Variants in SCARA3 observed in about 807,000 individuals in gnomAD.
SCARA3 encodes the protein scavenger receptor class A member 3.
A neutral mutation model predicts 47.0 loss-of-function variants in SCARA3; 39 were observed. The ratio of observed to expected loss-of-function variants is 0.83; its 90% CI spans 0.64 to 1.08. SCARA3 has a LOEUF of 1.08. Ranked by LOEUF, SCARA3 falls within the 50% of genes least tolerant of loss-of-function variation. The probability of loss-of-function intolerance (pLI) is 0.00; values close to 1 mark genes in which losing one functional copy is unlikely to be tolerated. For synonymous variants in SCARA3, 356 were observed against 334.1 expected, an observed-to-expected ratio of 1.07 and a Z score of -0.71; for missense variants, 724 against 792.3, an observed-to-expected ratio of 0.91 and a Z score of 1.04.
intron 1 of SCARA3, among the ~76,000 whole-genome samples, chr8:27,644,856 A>G (rs1164442071): frequency 6.6e-6 from 1 of 152,188 alleles, no homozygotes; most frequent in Non-Finnish European, 1.5e-5. Flanking sequence ...GCCTTACTTT[A>G]GAGAGCTATA....
In SCARA3 at chr8:27,671,196, G is replaced by A; in HGVS notation, c.1666G>A (p.Gly556Arg). The change falls in exon 6 of 6, where the codon GGG (glycine) becomes AGG (arginine). Residue 556 changes from glycine (G) to arginine (R), a missense_variant. By Grantham distance (125) the Gly-to-Arg change is moderately radical (BLOSUM62 -2). Transcript: ENST00000301904. ...PGPEGPPGSP[G>R]PSGPQGKPGI... is the part of the protein sequence containing the mutation. The stretch of plus-strand genomic sequence containing the variant: ...GCCAGAAGGGCCCCCGGGGTCTCCA[G>A]GGCCCTCAGGGCCTCAGGGAAAACC... 1.3e-6 allele frequency: 2 copies of A among 1,508,790 alleles called. No individual in the cohort carries two copies. The highest frequency in any genetic ancestry group is 1.8e-6 in the Non-Finnish European group (2 of 1,134,406). 93.5% of individuals were successfully genotyped at this position (1,508,790 alleles called of 1,614,324 possible). A position where few individuals can be genotyped will look rare whatever the true frequency, so the allele number is the denominator to read the frequency against.
At chr8:27,674,080 G>T (rs995334245), downstream of SCARA3, among the ~76,000 whole-genome samples, 1 of 152,202 alleles carries the variant, frequency 6.6e-6, no homozygotes, top group Non-Finnish European at 1.5e-5. Flanking sequence ...TTCTTGGGAA[G>T]TGTTCCCGCC....
chr8:27,698,153 A>G, the SCARA3 span, among the ~76,000 whole-genome samples: 1 of 152,378 alleles, frequency 6.6e-6, no homozygotes, highest in East Asian at 1.9e-4. Flanking sequence ...GTATATCTGT[A>G]CTATAAAAAT....
the SCARA3 span, among the ~76,000 whole-genome samples, chr8:27,715,373 C>T: frequency 2.6e-5 from 4 of 152,286 alleles, no homozygotes; most frequent in African/African-American, 9.6e-5. This position sits in a 1 kb window ranked among gnomAD's most constrained non-coding sequence, Gnocchi z 4.2. Flanking sequence ...GCTGCCACTT[C>T]CCATCCTATG....
chr8:27,710,659 G>A, the SCARA3 span, among the ~76,000 whole-genome samples: 1 of 152,046 alleles, frequency 6.6e-6, no homozygotes, highest in Non-Finnish European at 1.5e-5. Flanking sequence ...TCAAATTTCC[G>A]AAATCTACAT....
rs1035285678 is a variant in SCARA3, at chr8:27,672,582, G to A, written c.*1231G>A. 4 of 985,494 alleles carry A rather than the reference G, an allele frequency of 4.1e-6. No individual in the cohort carries two copies. The highest frequency in any genetic ancestry group is 3.6e-6 in the Non-Finnish European group (3 of 830,134). 61.0% of individuals were successfully genotyped at this position (985,494 alleles called of 1,614,324 possible). On this transcript the variant is annotated 3_prime_UTR_variant, in exon 6 of 6. Coordinates refer to ENST00000301904, the MANE Select transcript of SCARA3 (RefSeq NM_016240.3). ...GTCCCACCGGGACCCACAATGGCCCGAGCCCTCTTTGCATGGGCAGCCAGC... is the reference window on the plus strand; with the variant it reads ...GTCCCACCGGGACCCACAATGGCCCAAGCCCTCTTTGCATGGGCAGCCAGC...
At chr8:27,718,936 G>A in the SCARA3 span, among the ~76,000 whole-genome samples, 11 of 152,118 alleles carry the variant, frequency 7.2e-5, no homozygotes, top group Admixed American at 1.3e-4. Flanking sequence ...CTTAAGCTCC[G>A]GGAAATCCAA....
intron 1 of SCARA3, among the ~76,000 whole-genome samples, chr8:27,643,340 G>A (rs752203587): frequency 1.1e-4 from 17 of 152,344 alleles, no homozygotes; most frequent in Non-Finnish European, 2.4e-4. Flanking sequence ...CTGTCTCAGA[G>A]CAGCAGATGT....
chr8:27,653,286 C>T (rs1801671855), intron 3 of SCARA3, among the ~76,000 whole-genome samples: 1 of 152,196 alleles, frequency 6.6e-6, no homozygotes, highest in East Asian at 1.9e-4. Context: ...CATGAGTCAG[C>T]CTGGCAGGCT....
At chr8:27,730,049 C>T in the SCARA3 span, among the ~76,000 whole-genome samples, 1 of 152,102 alleles carries the variant, frequency 6.6e-6, no homozygotes, top group Non-Finnish European at 1.5e-5. Flanking sequence ...ACTGGAGGTG[C>T]CTGGGGCCAG....
At chr8:27,719,240 G>A in the SCARA3 span, among the ~76,000 whole-genome samples, 1 of 152,140 alleles carries the variant, frequency 6.6e-6, no homozygotes, top group African/African-American at 2.4e-5. Flanking sequence ...GGACATGGAT[G>A]GAGCTGGAGG....
chr8:27,672,816 G>T lies in SCARA3; in HGVS notation c.*1465G>T. 1.0e-6 allele frequency: 1 copy of T among 985,686 alleles called. No individual in the cohort carries two copies. The highest frequency in any genetic ancestry group is 1.2e-6 in the Non-Finnish European group (1 of 830,148). 61.1% of individuals were successfully genotyped at this position (985,686 alleles called of 1,614,324 possible). On this transcript the variant is annotated 3_prime_UTR_variant, in exon 6 of 6. Transcript: ENST00000301904. ...CACCACCCCCTCCACCGCCCGCAAG[G>T]TTAGGGCATAGAGTTGTCTCCTTCC...
intron 3 of SCARA3, among the ~76,000 whole-genome samples, chr8:27,655,288 G>A (rs1456818464): frequency 6.6e-6 from 1 of 152,170 alleles, no homozygotes; most frequent in East Asian, 1.9e-4. Flanking sequence ...AGGACTAGAA[G>A]CTGTGTTACT....
chr8:27,698,546 A>G, the SCARA3 span, among the ~76,000 whole-genome samples: 305 of 152,346 alleles, frequency 2.0e-3, 1 homozygote, highest in African/African-American at 7.1e-3. Context: ...ACAAAGAAAT[A>G]CATATTGGAA....
intron 1 of SCARA3, among the ~76,000 whole-genome samples, chr8:27,634,426 C>G (rs1373621654): frequency 3.9e-5 from 6 of 152,206 alleles, no homozygotes; most frequent in Non-Finnish European, 5.9e-5. Flanking sequence ...CACACACCCC[C>G]CCTTGCAGTC....
intron 5 of SCARA3, among the ~76,000 whole-genome samples, chr8:27,663,007 C>A (rs1189058983): frequency 6.6e-6 from 1 of 152,204 alleles, no homozygotes; most frequent in Non-Finnish European, 1.5e-5. Context: ...TTTGGAGAGG[C>A]CCGTCCACAG....
chr8:27,715,839 TA>T, the SCARA3 span, among the ~76,000 whole-genome samples: 2 of 108,536 alleles, frequency 1.8e-5, no homozygotes, highest in African/African-American at 7.4e-5. This position sits in a 1 kb window ranked among gnomAD's most constrained non-coding sequence, Gnocchi z 4.2. Context: ...GATAGATAGA[TA>T]GATAGATAGA....
chr8:27,658,559 G>A lies in SCARA3; in HGVS notation c.389G>A (p.Arg130Gln), dbSNP rs34791518. The change falls in exon 5 of 6, where the codon CGA (arginine) becomes CAA (glutamine). Residue 130 changes from arginine (R) to glutamine (Q), a missense_variant. Physicochemically the swap from Arg to Gln is conservative, Grantham distance 43. Transcript: ENST00000301904. ...GCTGGGCAGCTGGGGCCAGAGATCCGAAAACTGCAGGAGGAGCTGGAGGGA... is the reference window on the plus strand; with the variant it reads ...GCTGGGCAGCTGGGGCCAGAGATCCAAAAACTGCAGGAGGAGCTGGAGGGA... ...HEAGQLGPEIRKLQEELEGIQ... is the reference protein window; with the variant it reads ...HEAGQLGPEIQKLQEELEGIQ... The A allele has an allele frequency of 8.1e-4, 1,310 of 1,614,060 alleles. 1 individual carries two copies. Among genetic ancestry groups the A allele is most frequent in the Admixed American group, 2.7e-3 (165 of 60,026 alleles).
chr8:27,719,469 C>T, the SCARA3 span, among the ~76,000 whole-genome samples: 1 of 150,550 alleles, frequency 6.6e-6, no homozygotes, highest in African/African-American at 2.5e-5. Flanking sequence ...ATCTGTACAA[C>T]AAACTTCTAT....
Sources: gnomAD v4.1 joint callset for allele counts (sites outside exome capture counted in the v4.1 genomes callset) on GRCh38, gnomAD v4.1.1 for gene constraint, Gnocchi (gnomAD v3.1) non-coding constraint, MANE v1.5 for transcripts, NCBI Gene and HGNC (gene_info 2026-07-23, HGNC 2026-07-21) for gene names.